Variants in ESRRG observed in about 807,000 individuals in gnomAD.
ESRRG encodes estrogen-related receptor gamma.
Under a neutral mutation model 44.0 loss-of-function variants are expected in ESRRG, and 13 were observed. The observed-to-expected ratio is 0.30, with a 90% CI of 0.19 to 0.47. The LOEUF (loss-of-function observed/expected upper bound fraction) is 0.47. ESRRG is among the 20% of genes least tolerant of loss of function. ESRRG has a pLI of 1.00. For missense variants in ESRRG, 395 were observed against 580.6 expected, an observed-to-expected ratio of 0.68 and a Z score of 3.29; for synonymous variants, 215 against 214.6, an observed-to-expected ratio of 1.00 and a Z score of -0.02.
intron 1 of ESRRG, among the ~76,000 whole-genome samples, chr1:217,073,854 A>G (rs941046511): frequency 6.6e-6 from 1 of 152,136 alleles, no homozygotes; most frequent in Non-Finnish European, 1.5e-5. Context: ...GAAGAATGAA[A>G]GAATGAGACC....
chr1:217,122,663 A>G (rs1381886444), intron 1 of ESRRG, among the ~76,000 whole-genome samples: 2 of 96,560 alleles, frequency 2.1e-5, no homozygotes, highest in Non-Finnish European at 4.2e-5. Flanking sequence ...AGACACACAC[A>G]CTTTTTTTTT....
chr1:216,517,882 C>T (rs1417068006), intron 6 of ESRRG, among the ~76,000 whole-genome samples: 1 of 152,110 alleles, frequency 6.6e-6, no homozygotes, highest in East Asian at 1.9e-4. Flanking sequence ...ACAATTAAAA[C>T]TGTGAAATGC....
chr1:216,738,881 C>A (rs1289109925), intron 2 of ESRRG, among the ~76,000 whole-genome samples: 2 of 152,056 alleles, frequency 1.3e-5, no homozygotes, highest in African/African-American at 4.8e-5. Flanking sequence ...CTCTGTCACC[C>A]AGGCCTGTCA....
At chr1:217,132,682 T>A (rs2092981864) in intron 1 of ESRRG, among the ~76,000 whole-genome samples, 1 of 152,038 alleles carries the variant, frequency 6.6e-6, no homozygotes, top group South Asian at 2.1e-4. Context: ...GGTACCCACT[T>A]CTGTCCAATT....
intron 2 of ESRRG, among the ~76,000 whole-genome samples, chr1:216,913,562 G>A (rs902438978): frequency 3.3e-5 from 5 of 152,278 alleles, no homozygotes; most frequent in East Asian, 1.9e-4. Flanking sequence ...TTGTGGCTTC[G>A]AAGATAGGAG....
chr1:216,953,458 C>T lies in ESRRG; in HGVS notation c.-105-13785G>A, dbSNP rs11572468. The stretch of plus-strand genomic sequence containing the variant: ...TTTTTTTCCCATCATTATTTTTTTT[C>T]ATTTTCCTAAGCATACTATGAAAAT... On this transcript the variant is annotated intron_variant, in intron 1 of 7. Transcript: ENST00000359162. Among the ~76,000 whole-genome samples the T allele has an allele frequency of 5.0e-3, 764 of 151,754 alleles. 5 individuals are homozygous for T. The highest frequency in any genetic ancestry group is 0.018 in the African/African-American group (736 of 41,454).
chr1:216,830,236 G>A (rs931892114), intron 2 of ESRRG, among the ~76,000 whole-genome samples: 2 of 152,114 alleles, frequency 1.3e-5, no homozygotes, highest in Non-Finnish European at 2.9e-5. Flanking sequence ...TGACAAATAC[G>A]ACTCAGCCAA....
At chr1:216,979,614 A>G (rs2073588980) in intron 1 of ESRRG, among the ~76,000 whole-genome samples, 2 of 152,114 alleles carry the variant, frequency 1.3e-5, no homozygotes, top group Non-Finnish European at 2.9e-5. Flanking sequence ...AAGTCACTCA[A>G]ACTGTGCCTC....
chr1:217,018,341 G>A (rs1481189799), intron 1 of ESRRG, among the ~76,000 whole-genome samples: 1 of 152,050 alleles, frequency 6.6e-6, no homozygotes, highest in African/African-American at 2.4e-5. Context: ...TCCTAGACTG[G>A]TCCCGTTTCC....
At chr1:216,992,574 T>C (rs545914878) in intron 1 of ESRRG, among the ~76,000 whole-genome samples, 1 of 152,334 alleles carries the variant, frequency 6.6e-6, no homozygotes, top group Admixed American at 6.5e-5. Context: ...AGTTGTAAGA[T>C]ATTTAACCAC....
At chr1:216,987,887 C>A (rs2075118568) in intron 1 of ESRRG, among the ~76,000 whole-genome samples, 1 of 152,168 alleles carries the variant, frequency 6.6e-6, no homozygotes, top group South Asian at 2.1e-4. Flanking sequence ...AGTTAGTATA[C>A]AAATATTCCA....
intron 2 of ESRRG, among the ~76,000 whole-genome samples, chr1:216,899,447 C>T (rs977245922): frequency 1.3e-5 from 2 of 152,164 alleles, no homozygotes; most frequent in African/African-American, 4.8e-5. Context: ...GTCTCAAAGG[C>T]ATTGGGTCGT....
intron 2 of ESRRG, among the ~76,000 whole-genome samples, chr1:216,876,227 C>G (rs991428403): frequency 1.3e-5 from 2 of 152,010 alleles, no homozygotes; most frequent in African/African-American, 2.4e-5. Context: ...AGTGCTCCAA[C>G]CTTTAATTAA....
intron 5 of ESRRG, among the ~76,000 whole-genome samples, chr1:216,522,245 A>G (rs2046315139): frequency 6.8e-6 from 1 of 146,382 alleles, no homozygotes; most frequent in Non-Finnish European, 1.5e-5. Flanking sequence ...AAGGGGAAGA[A>G]ACAGCTCTCC....
chr1:217,087,167 C>T (rs1052881858), intron 1 of ESRRG, among the ~76,000 whole-genome samples: 10 of 152,252 alleles, frequency 6.6e-5, no homozygotes, highest in East Asian at 3.9e-4. Context: ...GGCGGGCTTT[C>T]GCTAAAATTC....
intron 1 of ESRRG, among the ~76,000 whole-genome samples, chr1:217,019,744 A>C (rs1034698297): frequency 1.3e-5 from 2 of 152,218 alleles, no homozygotes; most frequent in Admixed American, 1.3e-4. Flanking sequence ...TAGGAAGAGC[A>C]GAGTCATCCC....
chr1:216,791,326 A>T (rs1002299930), intron 2 of ESRRG, among the ~76,000 whole-genome samples: 1 of 151,928 alleles, frequency 6.6e-6, no homozygotes, highest in Non-Finnish European at 1.5e-5. Flanking sequence ...TGCTTGCTCC[A>T]TGTGATAGGC....
At chr1:216,531,849 T>G (rs988198100) in intron 5 of ESRRG, among the ~76,000 whole-genome samples, 2 of 152,128 alleles carry the variant, frequency 1.3e-5, no homozygotes, top group South Asian at 2.1e-4. Flanking sequence ...CCTTCCCGCT[T>G]TGATCTGCTG....
chr1:216,825,608 G>A (rs2095377845), intron 2 of ESRRG, among the ~76,000 whole-genome samples: 1 of 152,144 alleles, frequency 6.6e-6, no homozygotes, highest in African/African-American at 2.4e-5. Flanking sequence ...ATGGGAAAGA[G>A]AAATAAGTTA....
Sources: gnomAD v4.1 joint callset for allele counts (sites outside exome capture counted in the v4.1 genomes callset) on GRCh38, gnomAD v4.1.1 for gene constraint, MANE v1.5 for transcripts, NCBI Gene and HGNC (gene_info 2026-07-23, HGNC 2026-07-21) for gene names.